EPHA5: variants seen among roughly 807,000 people sequenced by gnomAD.
The protein encoded by EPHA5 is EPH receptor A5.
A neutral mutation model predicts 105.0 loss-of-function variants in EPHA5; 60 were observed. The observed-to-expected ratio is 0.57, with a 90% CI of 0.46 to 0.71. The LOEUF is 0.71. EPHA5 is among the 30% of genes least tolerant of loss of function. The probability of loss-of-function intolerance (pLI) is 0.00; values close to 1 mark genes in which losing one functional copy is unlikely to be tolerated. For missense variants in EPHA5, 1,218 were observed against 1,274.7 expected (o/e 0.96, Z 0.68); for synonymous variants, 513 against 449.1 (o/e 1.14, Z -1.80).
intron 3 of EPHA5, among the ~76,000 whole-genome samples, chr4:65,550,532 A>G (rs1446014304): frequency 6.6e-6 from 1 of 152,128 alleles, no homozygotes; most frequent in Non-Finnish European, 1.5e-5. Context: ...GCTTTTAAGC[A>G]TTTATTAAAA....
Position 65,362,477 on chromosome 4 carries a change from A to G in EPHA5, c.2173+2540T>C, listed in dbSNP as rs376863996. ...AAGGAGAAATATTGTTTCAATTCAT[A>G]TGGAATAAAAAGTAAAAGCAAATAA... On this transcript the variant is annotated intron_variant, in intron 11 of 16. Coordinates refer to ENST00000613740, the MANE Select transcript of EPHA5 (RefSeq NM_001281766.3). 8.3e-4 allele frequency among the ~76,000 whole-genome samples: 126 copies of G among 151,868 alleles called. 2 individuals carry two copies. The highest frequency in any genetic ancestry group is 2.9e-3 in the African/African-American group (122 of 41,534).
chr4:65,494,880 T>C (rs1406696871), intron 4 of EPHA5, among the ~76,000 whole-genome samples: 1 of 152,042 alleles, frequency 6.6e-6, no homozygotes, highest in Non-Finnish European at 1.5e-5. Flanking sequence ...GTGGCTTTAT[T>C]GGGGCAGTTT....
chr4:65,345,469 A>G (rs780475699), intron 14 of EPHA5, among the ~76,000 whole-genome samples: 4 of 152,194 alleles, frequency 2.6e-5, no homozygotes, highest in Non-Finnish European at 5.9e-5. Context: ...TGCAACAGAT[A>G]TCTGCAAAGA....
chr4:65,503,232 G>A (rs533395003), intron 3 of EPHA5, among the ~76,000 whole-genome samples: 19 of 151,810 alleles, frequency 1.3e-4, no homozygotes, highest in South Asian at 4.1e-4. Context: ...TAATATATCC[G>A]TGTACCAACA....
chr4:65,617,761 T>A (rs1745371432), intron 2 of EPHA5, among the ~76,000 whole-genome samples: 1 of 152,116 alleles, frequency 6.6e-6, no homozygotes, highest in Non-Finnish European at 1.5e-5. Context: ...GGTTTTATAG[T>A]GAAGAGAATT....
intron 8 of EPHA5, among the ~76,000 whole-genome samples, chr4:65,394,260 A>G (rs1189137165): frequency 6.6e-6 from 1 of 152,214 alleles, no homozygotes; most frequent in Non-Finnish European, 1.5e-5. Flanking sequence ...TTTAAAATGT[A>G]AATTCCATTA....
chr4:65,451,955 T>A (rs1727108858), intron 5 of EPHA5, among the ~76,000 whole-genome samples: 1 of 152,154 alleles, frequency 6.6e-6, no homozygotes, highest in Non-Finnish European at 1.5e-5. Context: ...TCTTTAAATG[T>A]CCAAAAAAGT....
intron 3 of EPHA5, among the ~76,000 whole-genome samples, chr4:65,508,716 T>C (rs968169188): frequency 1.3e-5 from 2 of 152,090 alleles, no homozygotes; most frequent in Admixed American, 6.6e-5. Flanking sequence ...AGGTTGTGTA[T>C]AATTTAATCA....
intron 3 of EPHA5, among the ~76,000 whole-genome samples, chr4:65,508,853 T>A (rs1356718735): frequency 6.6e-6 from 1 of 152,074 alleles, no homozygotes; most frequent in Non-Finnish European, 1.5e-5. Context: ...TGTGAGAAAG[T>A]CTTCTTGGAG....
At chr4:65,519,603 G>A (rs913915554) in intron 3 of EPHA5, among the ~76,000 whole-genome samples, 1 of 151,900 alleles carries the variant, frequency 6.6e-6, no homozygotes, top group Non-Finnish European at 1.5e-5. Flanking sequence ...GTTTGCAGAT[G>A]ACATGTTTGT....
chr4:65,439,366 T>TA (rs1487648665), intron 5 of EPHA5, among the ~76,000 whole-genome samples: 2 of 152,098 alleles, frequency 1.3e-5, no homozygotes, highest in Non-Finnish European at 2.9e-5. Context: ...ATTCCTAACA[T>TA]AAAAGGTGCA....
chr4:65,366,735 G>A lies in EPHA5; in HGVS notation c.1861+622C>T, dbSNP rs181371311. Among the ~76,000 whole-genome samples, 75 of 151,696 alleles carry A rather than the reference G, an allele frequency of 4.9e-4. 1 individual carries two copies. The East Asian group carries it at 0.011, about 22-fold the overall frequency. On this transcript the variant is annotated intron_variant, in intron 9 of 16. Coordinates refer to ENST00000613740, the MANE Select transcript of EPHA5 (RefSeq NM_001281766.3). ...TAATGATTTTGACATTTAAGATGGC[G>A]GAGTGAAAAAAACAAATATATTTGT...
chr4:65,481,863 C>T (rs1730396977), intron 5 of EPHA5, among the ~76,000 whole-genome samples: 1 of 152,188 alleles, frequency 6.6e-6, no homozygotes, highest in Admixed American at 6.5e-5. Context: ...CTAAATACTT[C>T]TTCAATTAGT....
intron 6 of EPHA5, among the ~76,000 whole-genome samples, chr4:65,419,378 T>C (rs929098138): frequency 2.0e-5 from 3 of 152,154 alleles, no homozygotes; most frequent in Admixed American, 6.5e-5. Flanking sequence ...CCATCCCTTT[T>C]ACTCTTCCAG....
chr4:65,468,379 C>A (rs2149152202), intron 5 of EPHA5, among the ~76,000 whole-genome samples: 1 of 149,960 alleles, frequency 6.7e-6, no homozygotes, highest in African/African-American at 2.5e-5. Context: ...GATTCTAGGG[C>A]AGAACTTTGA....
chr4:65,597,286 A>T lies in EPHA5; in HGVS notation c.910+4355T>A, dbSNP rs113325434. Reference sequence around the variant, plus strand: ...AAATTACTACTTCATTCCACTAGCAACTGATGAAGATTAGTGGTCTTGCCT... The same window carrying T: ...AAATTACTACTTCATTCCACTAGCATCTGATGAAGATTAGTGGTCTTGCCT... On this transcript the variant is annotated intron_variant, in intron 3 of 16. Coordinates refer to ENST00000613740, the MANE Select transcript of EPHA5 (RefSeq NM_001281766.3). Among the ~76,000 whole-genome samples, 253 of 152,294 alleles carry T rather than the reference A, an allele frequency of 1.7e-3. 6 individuals carry two copies. Among genetic ancestry groups the T allele is most frequent in the African/African-American group, 5.7e-3 (237 of 41,560 alleles).
chr4:65,467,376 T>C (rs1174435502), intron 5 of EPHA5, among the ~76,000 whole-genome samples: 1 of 152,196 alleles, frequency 6.6e-6, no homozygotes, highest in Non-Finnish European at 1.5e-5. Context: ...CATGTGATTT[T>C]TGTAGCTTCT....
At chr4:65,416,348 A>T (rs1353172468) in intron 6 of EPHA5, among the ~76,000 whole-genome samples, 1 of 152,262 alleles carries the variant, frequency 6.6e-6, no homozygotes, top group East Asian at 1.9e-4. Flanking sequence ...AAATGGAGAT[A>T]AAATTATTTA....
Position 65,606,123 on chromosome 4 carries a change from C to A in EPHA5, c.247-3819G>T, listed in dbSNP as rs954573346. Among the ~76,000 whole-genome samples the A allele has an allele frequency of 9.2e-5, 14 of 152,226 alleles. No homozygotes were observed. The East Asian group carries it at 2.7e-3, about 29-fold the overall frequency. On this transcript the variant is annotated intron_variant, in intron 2 of 16. Transcript: ENST00000613740. ...ATTCCTTGATTCGTTGCATTAATTG[C>A]TACACAACATTTTTTCCAGACGTCA...
Sources: gnomAD v4.1 joint callset for allele counts (sites outside exome capture counted in the v4.1 genomes callset) on GRCh38, gnomAD v4.1.1 for gene constraint, MANE v1.5 for transcripts, NCBI Gene and HGNC (gene_info 2026-07-23, HGNC 2026-07-21) for gene names.